Variants in CNTN4 observed in about 807,000 individuals in gnomAD.
CNTN4 encodes the protein contactin 4.
Under a neutral mutation model 122.5 loss-of-function variants are expected in CNTN4, and 77 were observed. The ratio of observed to expected loss-of-function variants is 0.63; its 90% CI spans 0.52 to 0.76. The LOEUF is 0.76. Among genes scored for constraint, CNTN4 ranks in the 30% least tolerant of loss-of-function variants. The pLI, the probability that CNTN4 is intolerant of heterozygous loss-of-function variation, is 0.00. For synonymous variants in CNTN4, 512 were observed against 447.0 expected (o/e 1.15, Z -1.83); for missense variants, 1,256 against 1,259.1 (o/e 1.00, Z 0.04).
intron 2 of CNTN4, among the ~76,000 whole-genome samples, chr3:2,192,132 A>T (rs970573938): frequency 1.1e-4 from 17 of 151,952 alleles, no homozygotes; most frequent in African/African-American, 3.1e-4. Flanking sequence ...TCTATCATTG[A>T]TGGACATTTG....
chr3:2,913,808 C>T (rs2094326437), intron 12 of CNTN4, among the ~76,000 whole-genome samples: 5 of 152,060 alleles, frequency 3.3e-5, no homozygotes, highest in Admixed American at 3.3e-4. Flanking sequence ...GCCAGTTGGA[C>T]CTAACAAGCA....
At chr3:2,558,284 G>A (rs1355615425) in intron 3 of CNTN4, among the ~76,000 whole-genome samples, 1 of 152,110 alleles carries the variant, frequency 6.6e-6, no homozygotes, top group African/African-American at 2.4e-5. Flanking sequence ...CTTATTAGGG[G>A]TTTACCAGTT....
At chr3:2,476,159 G>A (rs1056099947) in intron 3 of CNTN4, among the ~76,000 whole-genome samples, 1 of 152,190 alleles carries the variant, frequency 6.6e-6, no homozygotes, top group African/African-American at 2.4e-5. Flanking sequence ...AGCAAGATAT[G>A]CAGCAGCAAC....
chr3:2,315,382 A>G (rs2043060948), intron 2 of CNTN4, among the ~76,000 whole-genome samples: 1 of 152,062 alleles, frequency 6.6e-6, no homozygotes, highest in Admixed American at 6.6e-5. Context: ...TCAGTTTCCC[A>G]AACGAGAAGT....
chr3:2,655,104 C>A (rs907495042), intron 4 of CNTN4, among the ~76,000 whole-genome samples: 1 of 152,118 alleles, frequency 6.6e-6, no homozygotes, highest in East Asian at 1.9e-4. Flanking sequence ...GGGTCCCACC[C>A]TATAAGTGAT....
At chr3:2,301,202 G>C (rs540210790) in intron 2 of CNTN4, among the ~76,000 whole-genome samples, 2 of 152,260 alleles carry the variant, frequency 1.3e-5, no homozygotes, top group African/African-American at 4.8e-5. Flanking sequence ...CATTACTGTA[G>C]AAGAAAAAAC....
intron 14 of CNTN4, among the ~76,000 whole-genome samples, chr3:3,014,718 C>CCATTACCCT (rs1697576426): frequency 1.3e-5 from 2 of 151,704 alleles, no homozygotes; most frequent in East Asian, 3.9e-4. Flanking sequence ...CTTTCCACCT[C>CCATTACCCT]CATTACCCTT....
intron 2 of CNTN4, among the ~76,000 whole-genome samples, chr3:2,281,683 T>C (rs2041721108): frequency 6.6e-6 from 1 of 152,130 alleles, no homozygotes; most frequent in South Asian, 2.1e-4. Context: ...GAAAAAATAT[T>C]TGGGTAACAG....
chr3:2,885,976 A>G (rs933900120), intron 9 of CNTN4, among the ~76,000 whole-genome samples: 7 of 152,172 alleles, frequency 4.6e-5, no homozygotes, highest in African/African-American at 1.7e-4. Flanking sequence ...CAGGGCTGCC[A>G]TGAGACAGAA....
At chr3:2,899,936 A>ATAT (rs1200305614) in intron 10 of CNTN4, among the ~76,000 whole-genome samples, 1 of 152,234 alleles carries the variant, frequency 6.6e-6, no homozygotes, top group African/African-American at 2.4e-5. Context: ...GGAGTGAAGT[A>ATAT]TATTAGTGAG....
intron 24 of CNTN4, 27 bp downstream of exon 24, chr3:3,054,002 T>C: frequency 6.2e-7 from 1 of 1,612,018 alleles, no homozygotes; most frequent in Non-Finnish European, 8.5e-7. Flanking sequence ...TTCTCCCTTT[T>C]CTCCTGCCTG....
chr3:2,485,252 C>T (rs561627875), intron 3 of CNTN4, among the ~76,000 whole-genome samples: 8 of 152,320 alleles, frequency 5.3e-5, no homozygotes, highest in South Asian at 2.1e-4. Context: ...CCCTGCTCCG[C>T]GGTGCCCGGT....
chr3:2,529,910 G>T (rs942713999), intron 3 of CNTN4, among the ~76,000 whole-genome samples: 5 of 152,078 alleles, frequency 3.3e-5, no homozygotes, highest in African/African-American at 1.2e-4. Flanking sequence ...TTCCAGTTAG[G>T]CTTCTATTTT....
At chr3:2,877,317 A>C (rs1425042483) in intron 8 of CNTN4, among the ~76,000 whole-genome samples, 1 of 152,226 alleles carries the variant, frequency 6.6e-6, no homozygotes, top group Non-Finnish European at 1.5e-5. Context: ...ATATTAATAC[A>C]ACTAAGCCCC....
At chr3:2,888,205 G>A (rs1162159624) in intron 10 of CNTN4, among the ~76,000 whole-genome samples, 2 of 152,216 alleles carry the variant, frequency 1.3e-5, no homozygotes, top group Admixed American at 1.3e-4. Context: ...GACAGAAGGG[G>A]ACCCCTCTTG....
chr3:2,125,158 CTT>C (rs2034061600), intron 2 of CNTN4, among the ~76,000 whole-genome samples: 1 of 152,108 alleles, frequency 6.6e-6, no homozygotes, highest in South Asian at 2.1e-4. Flanking sequence ...CCATTCTACT[CTT>C]TGTTTCTATG....
chr3:2,961,699 AG>A (rs11320421), intron 13 of CNTN4, among the ~76,000 whole-genome samples: 31,015 of 152,100 alleles, frequency 0.2, 3,464 homozygotes, highest in East Asian at 0.38. Context: ...CTTAATGGCT[AG>A]GGAAACAAAG....
At chr3:2,109,950 T>C (rs1364756124) in intron 2 of CNTN4, among the ~76,000 whole-genome samples, 2 of 152,228 alleles carry the variant, frequency 1.3e-5, no homozygotes, top group Non-Finnish European at 2.9e-5. Context: ...TAAAAAATTA[T>C]AGTACAAACA....
rs560547255 is a variant in CNTN4, at chr3:2,893,330, C to T, written c.940+6106C>T. ...AGCATACTAATTCCCCATGGATGTG[C>T]TATGTATATGTGATCACAAGATAAT... is the stretch of plus-strand genomic sequence containing the variant. On this transcript the variant is annotated intron_variant, in intron 10 of 24. Coordinates refer to ENST00000418658, the MANE Select transcript of CNTN4 (RefSeq NM_175607.3). 1.6e-3 allele frequency among the ~76,000 whole-genome samples: 240 copies of T among 152,250 alleles called. 2 individuals are homozygous for T. The highest frequency in any genetic ancestry group is 5.5e-3 in the African/African-American group (227 of 41,556).
Sources: allele counts gnomAD v4.1 joint callset (sites outside exome capture counted in the v4.1 genomes callset), GRCh38; gene constraint gnomAD v4.1.1; transcripts MANE v1.5; gene names NCBI Gene and HGNC (gene_info 2026-07-23, HGNC 2026-07-21).